Variants in ABCA8 observed in about 807,000 individuals in gnomAD.
The protein encoded by ABCA8 is ATP binding cassette subfamily A member 8.
In ABCA8, 177 loss-of-function variants were observed where a neutral mutation model predicts 192.3. The ratio of observed to expected loss-of-function variants is 0.92; its 90% CI spans 0.81 to 1.04. ABCA8 has a LOEUF of 1.04. Among genes scored for constraint, ABCA8 ranks in the 50% least tolerant of loss-of-function variants. ABCA8 has a pLI of 0.00. For synonymous variants in ABCA8, 642 were observed against 690.2 expected (o/e 0.93, Z 1.09); for missense variants, 1,915 against 1,904.8 (o/e 1.01, Z -0.10).
At chr17:68,883,962 ACTTCT>A in intron 28 of ABCA8, 80 bp from the exon 29 acceptor site, 1 of 889,538 alleles carries the variant, frequency 1.1e-6, no homozygotes, top group Non-Finnish European at 1.7e-6. Flanking sequence ...TAATAACCGA[ACTTCT>A]AAAAAAATAC....
intron 1 of ABCA8, among the ~76,000 whole-genome samples, chr17:68,950,105 C>T (rs1598302398): frequency 6.6e-6 from 1 of 152,154 alleles, no homozygotes; most frequent in East Asian, 1.9e-4. Context: ...TCTCAGGATA[C>T]AAAATCAATG....
chr17:68,868,809 CTT>C (rs1231503427), intron 38 of ABCA8, among the ~76,000 whole-genome samples: 2 of 152,122 alleles, frequency 1.3e-5, no homozygotes. Context: ...AGGAACTGTT[CTT>C]TTGACCAAAA....
chr17:68,895,144 T>G (rs1199674627), intron 21 of ABCA8, 131 bp from the exon 22 acceptor site: 1 of 578,336 alleles, frequency 1.7e-6, no homozygotes, highest in Admixed American at 3.9e-5. Context: ...CTACATAACA[T>G]ACATAACATC....
intron 37 of ABCA8, among the ~76,000 whole-genome samples, chr17:68,872,673 C>T (rs1340456581): frequency 2.0e-5 from 3 of 151,996 alleles, no homozygotes; most frequent in Middle Eastern, 3.4e-3. Context: ...GTCATTGCCC[C>T]GAAGACCTTC....
In ABCA8 at chr17:68,922,231, T is replaced by TAAC; in HGVS notation, c.1501+10_1501+11insGTT. Reference sequence around the variant, plus strand: ...TTTTTTTTTTTTTTTTTTTTTTTTTTTTTTTTTTACCTTTCAAGGCTTCTA... The same window carrying TAAC: ...TTTTTTTTTTTTTTTTTTTTTTTTTTAACTTTTTTTTACCTTTCAAGGCTTCTA... On this transcript the variant is annotated intron_variant, in intron 12 of 39. Coordinates refer to ENST00000586539, the MANE Select transcript of ABCA8 (RefSeq NM_001288985.2). 1.6e-6 allele frequency: 1 copy of TAAC among 639,496 alleles called. No homozygotes were observed. The highest frequency in any genetic ancestry group is 2.3e-5 in the African/African-American group (1 of 43,844). 39.6% of individuals were successfully genotyped at this position (639,496 alleles called of 1,614,324 possible). A position where few individuals can be genotyped will look rare whatever the true frequency, so the allele number is the denominator to read the frequency against.
chr17:68,913,726 A>G (rs1050910727), intron 17 of ABCA8, among the ~76,000 whole-genome samples: 3 of 152,124 alleles, frequency 2.0e-5, no homozygotes, highest in African/African-American at 4.8e-5. Context: ...AACCAACAAG[A>G]TTAAAGCCAT....
In ABCA8 at chr17:68,946,413, A is replaced by G. The variant is rs138553678; in HGVS notation, c.-6+2899T>C. ...TTTTTCTTTCTGAGCACAGAGCTAT[A>G]CTCCATTCACAATGACATAAGATTG... is the stretch of plus-strand genomic sequence containing the variant. On this transcript the variant is annotated intron_variant, in intron 2 of 39. Transcript: ENST00000586539. 1.1e-3 allele frequency among the ~76,000 whole-genome samples: 171 copies of G among 152,228 alleles called. 1 individual carries two copies. The highest frequency in any genetic ancestry group is 2.0e-3 in the Non-Finnish European group (138 of 68,018).
At position 68,917,378 on chromosome 17, in the gene ABCA8, C is replaced by G; in HGVS notation, c.2121G>C (p.Gly707=). 6.2e-7 allele frequency: 1 copy of G among 1,610,224 alleles called. No homozygotes were observed. The highest frequency in any genetic ancestry group is 8.5e-7 in the Non-Finnish European group (1 of 1,177,500). The change falls in exon 17 of 40, where the codon GGG becomes GGC. Residue 707 remains glycine (G), a synonymous_variant. Coordinates refer to ENST00000586539, the MANE Select transcript of ABCA8 (RefSeq NM_001288985.2). ...GACCTTACCTTAAGTGATATCCAAT[C>G]CCCCATTTCTTCTTTAGAAACAAAG... is the stretch of plus-strand genomic sequence containing the variant. ...GSSLFLKKKW[G]IGYHLSLQLN... is the part of the protein sequence containing the mutation.
intron 35 of ABCA8, 58 bp from the exon 36 acceptor site, chr17:68,875,791 A>C: frequency 6.4e-7 from 1 of 1,555,970 alleles, no homozygotes; most frequent in Non-Finnish European, 8.7e-7. Flanking sequence ...TCAGAAAGAG[A>C]TAGAGAAAAG....
At chr17:68,916,297 T>G (rs1029971233) in intron 17 of ABCA8, among the ~76,000 whole-genome samples, 1 of 152,150 alleles carries the variant, frequency 6.6e-6, no homozygotes, top group African/African-American at 2.4e-5. Flanking sequence ...TACAATATAT[T>G]AATATGACTA....
At chr17:68,889,640 G>T (rs971422627) in intron 24 of ABCA8, among the ~76,000 whole-genome samples, 2 of 152,108 alleles carry the variant, frequency 1.3e-5, no homozygotes, top group African/African-American at 4.8e-5. Context: ...ACAATCATAG[G>T]CAAGGTGTAG....
intron 37 of ABCA8, among the ~76,000 whole-genome samples, chr17:68,870,057 C>A (rs2066008215): frequency 6.6e-6 from 1 of 152,164 alleles, no homozygotes; most frequent in Non-Finnish European, 1.5e-5. Context: ...TCTTTCCCAG[C>A]TGGTTTGAAC....
intron 1 of ABCA8, among the ~76,000 whole-genome samples, chr17:68,953,223 G>T (rs1230863976): frequency 6.6e-6 from 1 of 152,110 alleles, no homozygotes; most frequent in Non-Finnish European, 1.5e-5. Flanking sequence ...TGGAAGAATG[G>T]GTCCAGACTT....
At chr17:68,906,965 C>A (rs1294317979) in intron 18 of ABCA8, among the ~76,000 whole-genome samples, 1 of 152,010 alleles carries the variant, frequency 6.6e-6, no homozygotes, top group Non-Finnish European at 1.5e-5. Flanking sequence ...ATCTGGAGCT[C>A]CTGCTTGGGC....
chr17:68,917,651 G>T (rs750113984), intron 16 of ABCA8, among the ~76,000 whole-genome samples, 200 bp from the exon 17 acceptor site: 1 of 152,118 alleles, frequency 6.6e-6, no homozygotes, highest in Non-Finnish European at 1.5e-5. Context: ...TCCCATCAGG[G>T]AGGTTAAATT....
At chr17:68,885,871 C>A (rs1470292) in intron 26 of ABCA8, among the ~76,000 whole-genome samples, 125,244 of 152,082 alleles carry the variant, frequency 0.82, 52,166 homozygotes, top group East Asian at 1. Context: ...ATTTTAATTA[C>A]AGTAAATAAA....
intron 17 of ABCA8, among the ~76,000 whole-genome samples, chr17:68,908,776 G>C (rs1207884116): frequency 6.6e-6 from 1 of 152,136 alleles, no homozygotes; most frequent in Non-Finnish European, 1.5e-5. Flanking sequence ...TAGTGACTTG[G>C]CTTTGAAATA....
At chr17:68,921,628 T>C in intron 12 of ABCA8, 136 bp from the exon 13 acceptor site, 1 of 482,096 alleles carries the variant, frequency 2.1e-6, no homozygotes. Context: ...TATATATAAA[T>C]ATAGTGGGTT....
chr17:68,931,884 C>T, intron 7 of ABCA8: 1 of 159,888 alleles, frequency 6.3e-6, no homozygotes, highest in Admixed American at 6.0e-5. Context: ...TCATTTGTAC[C>T]CCTTGGTTGT....
Sources: allele counts gnomAD v4.1 joint callset (sites outside exome capture counted in the v4.1 genomes callset), GRCh38; gene constraint gnomAD v4.1.1; transcripts MANE v1.5; gene names NCBI Gene and HGNC (gene_info 2026-07-23, HGNC 2026-07-21).